PPP1CB: variants seen among roughly 807,000 people sequenced by gnomAD.
PPP1CB encodes the protein protein phosphatase 1 catalytic subunit beta.
A neutral mutation model predicts 43.7 loss-of-function variants in PPP1CB; 2 were observed. The ratio of observed to expected loss-of-function variants is 0.05; its 90% confidence interval spans 0.02 to 0.14. The LOEUF is 0.14. PPP1CB is among the 10% of genes least tolerant of loss of function. The probability of loss-of-function intolerance (pLI) is 1.00; values close to 1 mark genes in which losing one functional copy is unlikely to be tolerated. For synonymous variants in PPP1CB, 136 were observed against 135.6 expected, an observed-to-expected ratio of 1.00 and a Z score of -0.02; for missense variants, 84 against 398.0, an observed-to-expected ratio of 0.21 and a Z score of 6.71.
chr2:28,752,968 G>A (rs1037196333), intron 1 of PPP1CB, among the ~76,000 whole-genome samples: 1 of 152,172 alleles, frequency 6.6e-6, no homozygotes, highest in African/African-American at 2.4e-5. Flanking sequence ...GTAGGTCTAC[G>A]CAGCATTTGA....
At chr2:28,786,961 A>G (rs1667280797) in intron 5 of PPP1CB, among the ~76,000 whole-genome samples, 1 of 152,074 alleles carries the variant, frequency 6.6e-6, no homozygotes, top group Admixed American at 6.6e-5. Flanking sequence ...GTGCTAGTGA[A>G]TTTCTTAAAA....
intron 1 of PPP1CB, among the ~76,000 whole-genome samples, chr2:28,761,185 C>T (rs538336541): frequency 3.7e-4 from 57 of 152,236 alleles, no homozygotes; most frequent in African/African-American, 8.9e-4. Flanking sequence ...CCACCGCGCC[C>T]GGCCGAGACC....
intron 7 of PPP1CB, among the ~76,000 whole-genome samples, chr2:28,796,404 T>A (rs930622309): frequency 1.3e-5 from 2 of 152,218 alleles, no homozygotes; most frequent in Non-Finnish European, 2.9e-5. Flanking sequence ...TTAACAATAT[T>A]GATTCTTCTA....
At chr2:28,775,153 G>T (rs1371937116) in intron 1 of PPP1CB, among the ~76,000 whole-genome samples, 2 of 152,072 alleles carry the variant, frequency 1.3e-5, no homozygotes, top group African/African-American at 4.8e-5. Context: ...ACCCAGGCTG[G>T]AGTGCAGTGG....
At position 28,777,095 on chromosome 2, in the gene PPP1CB, C is replaced by T. The variant is rs192701404; in HGVS notation, c.184+113C>T. ...TTTTTGTATAAAACAGATCAGTAGGCTTTACTAAATAAAAGTGTATAAAAA... is the reference window on the plus strand; with the variant it reads ...TTTTTGTATAAAACAGATCAGTAGGTTTTACTAAATAAAAGTGTATAAAAA... On this transcript the variant is annotated intron_variant, in intron 2 of 7. Transcript: ENST00000395366. The T allele has an allele frequency of 6.3e-5, 69 of 1,095,280 alleles. 2 individuals are homozygous for T. In the East Asian group the frequency reaches 1.2e-3, roughly 18 times the overall value. 67.8% of individuals were successfully genotyped at this position (1,095,280 alleles called of 1,614,324 possible).
intron 1 of PPP1CB, among the ~76,000 whole-genome samples, chr2:28,770,150 C>G (rs1329494458): frequency 1.3e-5 from 2 of 152,048 alleles, no homozygotes; most frequent in Non-Finnish European, 2.9e-5. Flanking sequence ...GTAATCCCAG[C>G]TACTCAGGAG....
chr2:28,792,255 G>A (rs540629305), intron 6 of PPP1CB, among the ~76,000 whole-genome samples: 9 of 151,846 alleles, frequency 5.9e-5, no homozygotes, highest in Admixed American at 5.3e-4. Context: ...CAGGAGAATC[G>A]CTTGAACCTG....
At position 28,787,376 on chromosome 2, in the gene PPP1CB, G is replaced by A. The variant is rs1469926597; in HGVS notation, c.593-1282G>A. 3.3e-5 allele frequency among the ~76,000 whole-genome samples: 5 copies of A among 152,136 alleles called. No individual in the cohort carries two copies. In the East Asian group the frequency reaches 7.7e-4, roughly 24 times the overall value. ...CGGGAGGCTGAGGCAGGAGAATGGC[G>A]TGAACCCGGGAGGCAGAGTTTGCAG... On this transcript the variant is annotated intron_variant, in intron 5 of 7. Coordinates refer to ENST00000395366, the MANE Select transcript of PPP1CB (RefSeq NM_002709.3).
chr2:28,771,271 C>G (rs1451122117), intron 1 of PPP1CB, among the ~76,000 whole-genome samples: 1 of 152,004 alleles, frequency 6.6e-6, no homozygotes, highest in Non-Finnish European at 1.5e-5. Context: ...CCAGGCTGGT[C>G]TCTTCCTGAC....
At chr2:28,755,069 A>G (rs1666453117) in intron 1 of PPP1CB, among the ~76,000 whole-genome samples, 1 of 151,076 alleles carries the variant, frequency 6.6e-6, no homozygotes. Context: ...TTTTTTTGAG[A>G]CGGAGTTTTG....
chr2:28,775,412 A>G (rs1667016152), intron 1 of PPP1CB, among the ~76,000 whole-genome samples: 1 of 151,854 alleles, frequency 6.6e-6, no homozygotes. Context: ...CCCGGCCTTT[A>G]TTTTTATTTT....
intron 1 of PPP1CB, among the ~76,000 whole-genome samples, chr2:28,767,552 C>T (rs975610387): frequency 2.0e-5 from 3 of 152,106 alleles, no homozygotes; most frequent in Admixed American, 6.5e-5. Flanking sequence ...ACACCCATGA[C>T]GCTGCCAGGT....
At chr2:28,762,329 C>T (rs1311196273) in intron 1 of PPP1CB, among the ~76,000 whole-genome samples, 2 of 152,182 alleles carry the variant, frequency 1.3e-5, no homozygotes, top group African/African-American at 4.8e-5. Context: ...CAACATATTA[C>T]ATTTTAGCAT....
chr2:28,798,357 C>T (rs1368937492), intron 7 of PPP1CB, among the ~76,000 whole-genome samples: 1 of 151,982 alleles, frequency 6.6e-6, no homozygotes, highest in Non-Finnish European at 1.5e-5. Flanking sequence ...TAGGTATATA[C>T]CCAAGATATA....
At chr2:28,791,518 C>CG in intron 6 of PPP1CB, among the ~76,000 whole-genome samples, 1 of 151,994 alleles carries the variant, frequency 6.6e-6, no homozygotes, top group South Asian at 2.1e-4. Context: ...TTAGTAGAGA[C>CG]GGGGTTTCAC....
Position 28,802,802 on chromosome 2 carries a change from A to G in PPP1CB, c.*3499A>G, listed in dbSNP as rs2148066676. The G allele has an allele frequency of 6.6e-6, 1 of 152,350 alleles. No individual in the cohort carries two copies. Among genetic ancestry groups the G allele is most frequent in the African/African-American group, 2.4e-5 (1 of 41,580 alleles). The allele number at this position is 152,350 out of a possible 1,614,324, so 9.4% of individuals were successfully genotyped here. A position where few individuals can be genotyped will look rare whatever the true frequency, so the allele number is the denominator to read the frequency against. On this transcript the variant is annotated 3_prime_UTR_variant, in exon 8 of 8. Coordinates refer to ENST00000395366, the MANE Select transcript of PPP1CB (RefSeq NM_002709.3). ...TAAATCCCCTGGTTAGGAAATTTTA[A>G]AAGTCAAAGCTTGTTTTCTTCAACC...
At chr2:28,783,630 G>A (rs556320274) in intron 4 of PPP1CB, among the ~76,000 whole-genome samples, 2 of 151,938 alleles carry the variant, frequency 1.3e-5, no homozygotes, top group Non-Finnish European at 2.9e-5. Context: ...GGTGGCGCGC[G>A]TCTGTAGTCC....
intron 3 of PPP1CB, among the ~76,000 whole-genome samples, chr2:28,780,452 G>C (rs1002655450): frequency 2.0e-5 from 3 of 152,170 alleles, no homozygotes; most frequent in Non-Finnish European, 2.9e-5. Context: ...TTTTATTTCT[G>C]AGATGTAGTG....
At chr2:28,790,911 A>G (rs184490047) in intron 6 of PPP1CB, among the ~76,000 whole-genome samples, 158 of 152,294 alleles carry the variant, frequency 1.0e-3, no homozygotes, top group Non-Finnish European at 1.8e-3. Context: ...TTTCATTATA[A>G]AAACATTTAT....
Sources: gnomAD v4.1 joint callset for allele counts (sites outside exome capture counted in the v4.1 genomes callset) on GRCh38, gnomAD v4.1.1 for gene constraint, MANE v1.5 for transcripts, NCBI Gene and HGNC (gene_info 2026-07-23, HGNC 2026-07-21) for gene names.